CDC25C: variants seen among roughly 807,000 people sequenced by gnomAD.
CDC25C encodes the protein M-phase inducer phosphatase 3.
Under a neutral mutation model 52.5 loss-of-function variants are expected in CDC25C, and 48 were observed. The observed-to-expected ratio is 0.91, with a 90% CI of 0.72 to 1.16. The LOEUF is 1.16. CDC25C is among the 50% of genes most tolerant of loss of function. CDC25C has a pLI of 0.00. For synonymous variants in CDC25C, 187 were observed against 206.5 expected, an observed-to-expected ratio of 0.91 and a Z score of 0.81; for missense variants, 510 against 566.1, an observed-to-expected ratio of 0.90 and a Z score of 1.01.
intron 8 of CDC25C, 125 bp downstream of exon 8, chr5:138,291,845 A>G (rs1300007367): frequency 1.6e-6 from 1 of 608,810 alleles, no homozygotes; most frequent in Non-Finnish European, 2.7e-6. Context: ...TGGAAAGAAC[A>G]AAGAGGAAAA....
intron 5 of CDC25C, 48 bp downstream of exon 5, chr5:138,325,973 T>G: frequency 6.2e-7 from 1 of 1,612,280 alleles, no homozygotes; most frequent in East Asian, 2.2e-5. Flanking sequence ...ACCCTCTGCC[T>G]CCCACCTGAA....
In CDC25C at chr5:138,285,708, T is replaced by C. The variant is rs763039943; in HGVS notation, c.1406A>G (p.Lys469Arg). The C allele has an allele frequency of 1.9e-6, 3 of 1,614,152 alleles. No individual in the cohort carries two copies. The highest frequency in any genetic ancestry group is 2.5e-6 in the Non-Finnish European group (3 of 1,180,020). The change falls in exon 14 of 14, where the codon AAG becomes AGG. Residue 469 changes from lysine (K) to arginine (R), a missense_variant. Transcript: ENST00000323760. ...QLREQIALLVKDMSP is the reference protein window; with the variant it reads ...QLREQIALLVRDMSP Reference sequence around the variant, plus strand: ...GGAATGTTATCATGGGCTCATGTCCTTCACCAGAAGGGCAATCTGCTCCCG... The same window carrying C: ...GGAATGTTATCATGGGCTCATGTCCCTCACCAGAAGGGCAATCTGCTCCCG...
rs751460155 is a variant in CDC25C at position 138,319,387 on chromosome 5, T to G, written c.460-13A>C. The G allele has an allele frequency of 3.8e-6, 6 of 1,594,716 alleles. No individual in the cohort carries two copies. In the South Asian group the frequency reaches 6.8e-5, roughly 18 times the overall value. On this transcript the variant is annotated splice_polypyrimidine_tract_variant and intron_variant, in intron 6 of 13. Coordinates refer to ENST00000323760, the MANE Select transcript of CDC25C (RefSeq NM_001790.5). ...AGTTTCCATTGTCCTGTCAAGTATA[T>G]TGACAACATTAAAAACTATTCAAAA...
chr5:138,331,496 A>G, intron 1 of CDC25C, 99 bp downstream of exon 1: 1 of 931,970 alleles, frequency 1.1e-6, no homozygotes. Context: ...GATAGTCCCC[A>G]TTCGGCCCTC....
At chr5:138,286,429 G>A (rs1478883378) in intron 12 of CDC25C, 68 bp downstream of exon 12, 1 of 1,475,472 alleles carries the variant, frequency 6.8e-7, no homozygotes, top group Non-Finnish European at 9.3e-7. Flanking sequence ...GTCTCTGTCT[G>A]AACTGGTGTG....
chr5:138,319,110 G>C, intron 7 of CDC25C, 109 bp downstream of exon 7: 1 of 946,268 alleles, frequency 1.1e-6, no homozygotes, highest in Non-Finnish European at 1.6e-6. Flanking sequence ...GGATTCACTA[G>C]TTATTTTTTT....
exon 1 of CDC25C, chr5:138,338,184 G>GAGCTGTCCCCCT (rs1179727941): frequency 1.6e-6 from 2 of 1,288,540 alleles, no homozygotes; most frequent in Non-Finnish European, 2.0e-6. Context: ...CTGCGAGCCG[G>GAGCTGTCCCCCT]AGCTGTCCCC....
rs774051649 is a variant in CDC25C, at chr5:138,286,614, T to C, written c.1043A>G (p.Tyr348Cys). 5.0e-6 allele frequency: 8 copies of C among 1,613,422 alleles called. No homozygotes were observed. Among genetic ancestry groups the C allele is most frequent in the South Asian group, 1.1e-5 (1 of 90,990 alleles). Residue 348 changes from tyrosine (Y) to cysteine (C), a missense_variant, in exon 12 of 14, where the codon TAT (tyrosine) becomes TGT (cysteine). Tyr to Cys is a radical substitution (Grantham distance 194). Coordinates refer to ENST00000323760, the MANE Select transcript of CDC25C (RefSeq NM_001790.5). ...GAAGTTAAACAGTTCTTCCTGACTA[T>C]ATAAGTTTAAGGCTCCCTGTAGAAG... is the stretch of plus-strand genomic sequence containing the variant. ...GGHIQGALNL[Y>C]SQEELFNFFL...
At chr5:138,322,634 C>T (rs1012225269) in intron 6 of CDC25C, among the ~76,000 whole-genome samples, 13 of 151,428 alleles carry the variant, frequency 8.6e-5, no homozygotes, top group African/African-American at 3.2e-4. Context: ...CGCCACCATG[C>T]CCGGCTAATT....
At chr5:138,329,840 C>T (rs746985197) in intron 2 of CDC25C, among the ~76,000 whole-genome samples, 193 bp from the exon 3 acceptor site, 5 of 149,852 alleles carry the variant, frequency 3.3e-5, no homozygotes, top group African/African-American at 4.9e-5. Context: ...AAGCGATTCT[C>T]CTGCCTCAGC....
At chr5:138,338,256 C>T in exon 1 of CDC25C, 2 of 1,100,316 alleles carry the variant, frequency 1.8e-6, no homozygotes, top group Non-Finnish European at 2.5e-6. Context: ...GTGGGGCGAA[C>T]CGAGCGCTCA....
chr5:138,309,575 G>C (rs1026823940), intron 7 of CDC25C, among the ~76,000 whole-genome samples: 4 of 151,920 alleles, frequency 2.6e-5, no homozygotes, highest in African/African-American at 9.7e-5. Flanking sequence ...AAGGGCGATG[G>C]GGGGAGGTGA....
intron 4 of CDC25C, among the ~76,000 whole-genome samples, chr5:138,327,720 G>A (rs1355432325): frequency 1.3e-5 from 2 of 152,080 alleles, no homozygotes; most frequent in Non-Finnish European, 2.9e-5. Context: ...GCTACTTTAT[G>A]AGAAATGCTA....
At chr5:138,315,650 C>T (rs1433982386) in intron 7 of CDC25C, among the ~76,000 whole-genome samples, 1 of 152,190 alleles carries the variant, frequency 6.6e-6, no homozygotes, top group Admixed American at 6.5e-5. Context: ...TTATTTACAA[C>T]AAGCCTATTA....
At chr5:138,291,509 C>G (rs963693836) in intron 8 of CDC25C, among the ~76,000 whole-genome samples, 1 of 151,396 alleles carries the variant, frequency 6.6e-6, no homozygotes. Flanking sequence ...ACCTCCACCT[C>G]CCGGGTTCAA....
At position 138,312,777 on chromosome 5, in the gene CDC25C, G is replaced by A. The variant is rs901501750; in HGVS notation, c.615+6442C>T. 7.2e-5 allele frequency among the ~76,000 whole-genome samples: 11 copies of A among 152,218 alleles called. No homozygotes were observed. In the South Asian group the frequency reaches 2.3e-3, roughly 32 times the overall value. On this transcript the variant is annotated intron_variant, in intron 7 of 13. Transcript: ENST00000323760. ...TCTGGAGATTGGTTACACAACAATG[G>A]GAATGTATGTAATACTACTAAACTA...
At chr5:138,313,219 T>C (rs563772768) in intron 7 of CDC25C, among the ~76,000 whole-genome samples, 2 of 151,362 alleles carry the variant, frequency 1.3e-5, no homozygotes, top group South Asian at 4.2e-4. Context: ...CTACTAAAAA[T>C]ACAAAAAAAA....
chr5:138,325,694 T>C (rs1759793819), intron 6 of CDC25C, 121 bp downstream of exon 6: 1 of 715,596 alleles, frequency 1.4e-6, no homozygotes, highest in Non-Finnish European at 2.3e-6. Flanking sequence ...TCCCCTATAG[T>C]AATACAGTTT....
chr5:138,301,813 C>T (rs1757650192), intron 7 of CDC25C, among the ~76,000 whole-genome samples: 1 of 150,102 alleles, frequency 6.7e-6, no homozygotes, highest in South Asian at 2.1e-4. Context: ...AAGCGTTTCT[C>T]CTGCCTCAGT....
Sources: gnomAD v4.1 joint callset for allele counts (sites outside exome capture counted in the v4.1 genomes callset) on GRCh38, gnomAD v4.1.1 for gene constraint, MANE v1.5 for transcripts, NCBI Gene and HGNC (gene_info 2026-07-23, HGNC 2026-07-21) for gene names.